Variants in NRG3 observed in about 807,000 individuals in gnomAD.
The protein encoded by NRG3 is pro-neuregulin-3, membrane-bound isoform.
Under a neutral mutation model 66.9 loss-of-function variants are expected in NRG3, and 31 were observed. That is an observed-to-expected ratio of 0.46 (90% CI 0.35 to 0.63). The LOEUF is 0.63. Ranked by LOEUF, NRG3 falls within the 20% of genes least tolerant of loss-of-function variation. The probability of loss-of-function intolerance (pLI) is 0.00; values close to 1 mark genes in which losing one functional copy is unlikely to be tolerated. For synonymous variants in NRG3, 393 were observed against 359.4 expected, an observed-to-expected ratio of 1.09 and a Z score of -1.06; for missense variants, 910 against 878.9, an observed-to-expected ratio of 1.04 and a Z score of -0.45.
chr10:82,833,376 A>C (rs1411747784), intron 3 of NRG3, among the ~76,000 whole-genome samples: 1 of 152,038 alleles, frequency 6.6e-6, no homozygotes, highest in Non-Finnish European at 1.5e-5. Flanking sequence ...CCTGACCCAG[A>C]CTCAGTTCCC....
At chr10:81,910,911 C>T (rs191046687) in intron 1 of NRG3, among the ~76,000 whole-genome samples, 11 of 152,310 alleles carry the variant, frequency 7.2e-5, no homozygotes, top group African/African-American at 1.2e-4. Flanking sequence ...CCTACCTCAG[C>T]CTCCCAAAGC....
At chr10:81,933,375 A>G (rs1256210173) in intron 1 of NRG3, among the ~76,000 whole-genome samples, 1 of 152,112 alleles carries the variant, frequency 6.6e-6, no homozygotes, top group African/African-American at 2.4e-5. Flanking sequence ...AGTTAAGGAG[A>G]TATGTTCATT....
At chr10:82,556,306 T>TC (rs2044646211) in intron 2 of NRG3, among the ~76,000 whole-genome samples, 1 of 152,186 alleles carries the variant, frequency 6.6e-6, no homozygotes, top group Non-Finnish European at 1.5e-5. Context: ...GGAGTTAAGT[T>TC]ACAATCTTAG....
At chr10:82,283,805 T>C (rs2079254845) in intron 1 of NRG3, among the ~76,000 whole-genome samples, 1 of 152,152 alleles carries the variant, frequency 6.6e-6, no homozygotes, top group African/African-American at 2.4e-5. Context: ...TTCACAAAAT[T>C]GAAAGATCTC....
At chr10:82,878,111 C>T (rs968047698) in intron 4 of NRG3, among the ~76,000 whole-genome samples, 19 of 151,948 alleles carry the variant, frequency 1.3e-4, no homozygotes, top group Non-Finnish European at 2.4e-4. Flanking sequence ...TATATTTCTA[C>T]AGTTAGTAGC....
intron 4 of NRG3, among the ~76,000 whole-genome samples, chr10:82,922,796 C>A (rs942280718): frequency 4.7e-4 from 72 of 152,312 alleles, no homozygotes; most frequent in African/African-American, 1.5e-3. Context: ...TCAAACTCAA[C>A]ATAGCCAAGT....
At chr10:82,168,129 G>C (rs2072248500) in intron 1 of NRG3, among the ~76,000 whole-genome samples, 1 of 152,004 alleles carries the variant, frequency 6.6e-6, no homozygotes, top group African/African-American at 2.4e-5. Context: ...ATATGACTTT[G>C]AATATTTTCT....
chr10:82,302,285 A>T (rs907885402), intron 1 of NRG3, among the ~76,000 whole-genome samples: 2 of 152,030 alleles, frequency 1.3e-5, no homozygotes. Flanking sequence ...TATCATACCC[A>T]CAGTTGCATA....
At chr10:82,377,915 A>G (rs2085357028) in intron 2 of NRG3, among the ~76,000 whole-genome samples, 1 of 152,228 alleles carries the variant, frequency 6.6e-6, no homozygotes, top group Non-Finnish European at 1.5e-5. Flanking sequence ...CAAATGCTAC[A>G]GTAAAAACTT....
At chr10:82,422,050 C>T (rs1315394291) in intron 2 of NRG3, among the ~76,000 whole-genome samples, 1 of 152,016 alleles carries the variant, frequency 6.6e-6, no homozygotes, top group Non-Finnish European at 1.5e-5. Flanking sequence ...GATATATGAT[C>T]GTTTAGTTAA....
chr10:82,691,916 C>T (rs1156609435), intron 2 of NRG3, among the ~76,000 whole-genome samples: 3 of 152,104 alleles, frequency 2.0e-5, no homozygotes, highest in East Asian at 3.9e-4. Context: ...ATAATTCCTC[C>T]CCTCAAATAA....
At chr10:82,051,534 G>T (rs12784386) in intron 1 of NRG3, among the ~76,000 whole-genome samples, 36,492 of 152,036 alleles carry the variant, frequency 0.24, 4,503 homozygotes, top group Middle Eastern at 0.33. Flanking sequence ...CCTAGAACTG[G>T]CTGTGGAGAC....
At chr10:82,980,223 T>A (rs1377953337) in intron 8 of NRG3, among the ~76,000 whole-genome samples, 3 of 149,120 alleles carry the variant, frequency 2.0e-5, no homozygotes, top group South Asian at 4.3e-4. Context: ...AAAAAAAAAA[T>A]ACAAATAATT....
At chr10:82,268,661 AC>A (rs1386308028) in intron 1 of NRG3, among the ~76,000 whole-genome samples, 1 of 152,074 alleles carries the variant, frequency 6.6e-6, no homozygotes, top group East Asian at 1.9e-4. Context: ...TAAGACATGG[AC>A]CTAATGATCC....
In NRG3 at chr10:82,799,089, A is replaced by C. The variant is rs973460377; in HGVS notation, c.1027+60439A>C. Reference sequence around the variant, plus strand: ...GCAGTCTGCCAATAATTTATTGAGTACCTGCTATATGCCAGGGGCTAGATA... The same window carrying C: ...GCAGTCTGCCAATAATTTATTGAGTCCCTGCTATATGCCAGGGGCTAGATA... On this transcript the variant is annotated intron_variant, in intron 3 of 8. Transcript: ENST00000372141. 3.9e-5 allele frequency among the ~76,000 whole-genome samples: 6 copies of C among 152,198 alleles called. No homozygotes were observed. The South Asian group carries it at 1.2e-3, about 31-fold the overall frequency.
chr10:82,220,268 T>C (rs74146519), intron 1 of NRG3, among the ~76,000 whole-genome samples: 3,852 of 152,038 alleles, frequency 0.025, 150 homozygotes, highest in African/African-American at 0.087. Flanking sequence ...TAGACAAATA[T>C]ATAATTAAGG....
At chr10:81,877,274 T>C (rs1173346447) in intron 1 of NRG3, among the ~76,000 whole-genome samples, 5 of 152,202 alleles carry the variant, frequency 3.3e-5, no homozygotes, top group African/African-American at 9.7e-5. Flanking sequence ...AGGTGTCTTT[T>C]AAGCTGATCT....
At chr10:82,972,187 T>C (rs894711896) in intron 6 of NRG3, among the ~76,000 whole-genome samples, 3 of 152,156 alleles carry the variant, frequency 2.0e-5, no homozygotes, top group African/African-American at 4.8e-5. Context: ...GTATTGTATA[T>C]TACACAATTC....
intron 1 of NRG3, among the ~76,000 whole-genome samples, chr10:81,894,255 C>T (rs538824848): frequency 2.0e-5 from 3 of 152,226 alleles, no homozygotes; most frequent in East Asian, 1.9e-4. Flanking sequence ...GCAGGAGAAT[C>T]GCTTGAACCC....
Sources: allele counts gnomAD v4.1 joint callset (sites outside exome capture counted in the v4.1 genomes callset), GRCh38; gene constraint gnomAD v4.1.1; transcripts MANE v1.5; gene names NCBI Gene and HGNC (gene_info 2026-07-23, HGNC 2026-07-21).